Variants in SDHA observed in about 807,000 individuals in gnomAD.
SDHA encodes the protein succinate dehydrogenase complex flavoprotein subunit A, also known as succinate dehydrogenase [ubiquinone] flavoprotein subunit, mitochondrial.
In SDHA, 48 loss-of-function variants were observed where a neutral mutation model predicts 78.4. The observed-to-expected ratio is 0.61, with a 90% CI of 0.49 to 0.78. The LOEUF (loss-of-function observed/expected upper bound fraction) is 0.78. SDHA is among the 30% of genes least tolerant of loss of function. SDHA has a pLI of 0.00. For synonymous variants in SDHA, 326 were observed against 353.9 expected (o/e 0.92, Z 0.88); for missense variants, 680 against 892.7 (o/e 0.76, Z 3.04).
At chr5:258,994 C>A (rs71597618), downstream of SDHA, among the ~76,000 whole-genome samples, 5 of 22,362 alleles carry the variant, frequency 2.2e-4, no homozygotes, top group Non-Finnish European at 3.4e-4. Flanking sequence ...CCTCCCGTCA[C>A]AGCATTACCG....
At chr5:248,095 G>A (rs964811072) in intron 11 of SDHA, among the ~76,000 whole-genome samples, 3 of 152,258 alleles carry the variant, frequency 2.0e-5, no homozygotes, top group Non-Finnish European at 4.4e-5. Flanking sequence ...AACTGGTTTG[G>A]TGGAGAGACC....
intron 13 of SDHA, among the ~76,000 whole-genome samples, chr5:253,473 C>T (rs1234169664): frequency 1.3e-5 from 2 of 152,100 alleles, no homozygotes; most frequent in Non-Finnish European, 2.9e-5. Flanking sequence ...AGGAATCTCA[C>T]TGTCCCCCAG....
In SDHA at chr5:239,894, C is replaced by T. The variant is rs1305851413; in HGVS notation, c.1433-464C>T. ...AAGCAGTTCTCATGCCTCAGCCTCC[C>T]GAGTAGCTGGGATTATAGACGCGTG... On this transcript the variant is annotated intron_variant, in intron 10 of 14. Coordinates refer to ENST00000264932, the MANE Select transcript of SDHA (RefSeq NM_004168.4). Among the ~76,000 whole-genome samples the T allele has an allele frequency of 4.6e-5, 7 of 151,952 alleles. No homozygotes were observed. The South Asian group carries it at 1.0e-3, about 23-fold the overall frequency.
chr5:250,849 T>C, intron 11 of SDHA, 143 bp from the exon 12 acceptor site: 4 of 746,494 alleles, frequency 5.4e-6, no homozygotes, highest in Non-Finnish European at 7.1e-6. Context: ...AGTAATAAAC[T>C]CATAGTCTGA....
rs549095327 is a variant in SDHA at position 237,241 on chromosome 5, T to A, written c.1432+642T>A. Among the ~76,000 whole-genome samples the A allele has an allele frequency of 3.7e-5, 5 of 135,334 alleles. 2 individuals are homozygous for A. The highest frequency in any genetic ancestry group is 1.8e-4 in the African/African-American group (5 of 28,138). The allele number at this position is 135,334 out of a possible 152,430, so 88.8% of individuals were successfully genotyped here. Reference sequence around the variant, plus strand: ...TTACTTGCCTGATAAAAATCACTTATTTGCAATGAAATATTTTAAGTAGTT... The same window carrying A: ...TTACTTGCCTGATAAAAATCACTTAATTGCAATGAAATATTTTAAGTAGTT... On this transcript the variant is annotated intron_variant, in intron 10 of 14. Coordinates refer to ENST00000264932, the MANE Select transcript of SDHA (RefSeq NM_004168.4).
rs768257880 is a variant in SDHA at position 240,456 on chromosome 5, C to T, written c.1531C>T (p.Leu511=). The part of the protein sequence containing the change: ...FADGSIRTSE[L]RLSMQKSMQN... Reference sequence around the variant, plus strand: ...TGATGGAAGCATAAGAACATCGGAACTGCGACTCAGCATGCAGAAGGTAAG... The same window carrying T: ...TGATGGAAGCATAAGAACATCGGAATTGCGACTCAGCATGCAGAAGGTAAG... Residue 511 remains leucine (L), a synonymous_variant, in exon 11 of 15, where the codon CTG becomes TTG. Transcript: ENST00000264932. 9 of 1,608,198 alleles carry T rather than the reference C, an allele frequency of 5.6e-6. No homozygotes were observed. Among genetic ancestry groups the T allele is most frequent in the Non-Finnish European group, 7.7e-6 (9 of 1,176,432 alleles).
chr5:254,402 G>A lies in SDHA; in HGVS notation c.1804G>A (p.Asp602Asn), dbSNP rs1737043619. 1 of 1,603,098 alleles carries A rather than the reference G, an allele frequency of 6.2e-7. No homozygotes were observed. The highest frequency in any genetic ancestry group is 1.1e-5 in the South Asian group (1 of 89,166). ...HAREDYKVRI[D>N]EYDYSKPIQG... Reference sequence around the variant, plus strand: ...GTGTTTCTGGCCTCAGGTGCGGATTGATGAGTACGATTACTCCAAGCCCAT... The same window carrying A: ...GTGTTTCTGGCCTCAGGTGCGGATTAATGAGTACGATTACTCCAAGCCCAT... The change falls in exon 14 of 15, where the codon GAT (aspartate) becomes AAT (asparagine). Residue 602 changes from aspartate (D) to asparagine (N), a missense_variant. Physicochemically the swap from Asp to Asn is conservative, Grantham distance 23 (BLOSUM62 1). Transcript: ENST00000264932.
At chr5:240,742 C>T (rs941528201) in intron 11 of SDHA, among the ~76,000 whole-genome samples, 2 of 152,080 alleles carry the variant, frequency 1.3e-5, no homozygotes, top group Admixed American at 6.5e-5. Flanking sequence ...TGTGTACTCA[C>T]CATTCAGCTT....
rs1553999038 is a variant in SDHA, at chr5:233,587, G to T, written c.1006G>T (p.Asp336Tyr). ...FMERYAPVAKDLASRDVVSRS... is the reference protein window; with the variant it reads ...FMERYAPVAKYLASRDVVSRS... ...GGAGCGATACGCCCCTGTCGCGAAG[G>T]ACCTGGCGTCTAGAGATGTGGTGTC... Residue 336 changes from aspartate (D) to tyrosine (Y), a missense_variant, in exon 8 of 15, where the codon GAC becomes TAC. Coordinates refer to ENST00000264932, the MANE Select transcript of SDHA (RefSeq NM_004168.4). 1 of 1,614,202 alleles carries T rather than the reference G, an allele frequency of 6.2e-7. No individual in the cohort carries two copies. Among genetic ancestry groups the T allele is most frequent in the East Asian group, 2.2e-5 (1 of 44,878 alleles).
At chr5:232,757 A>G (rs1735495623) in intron 7 of SDHA, among the ~76,000 whole-genome samples, 3 of 152,232 alleles carry the variant, frequency 2.0e-5, no homozygotes, top group South Asian at 4.1e-4. Context: ...TTCGAAATAC[A>G]TTTAGTTTAG....
intron 6 of SDHA, among the ~76,000 whole-genome samples, chr5:229,718 A>C (rs1735263811): frequency 6.6e-6 from 1 of 152,162 alleles, no homozygotes; most frequent in Admixed American, 6.5e-5. Flanking sequence ...CAGAGTTAAC[A>C]TTATACAGCA....
chr5:248,186 C>G (rs1736587948), intron 11 of SDHA, among the ~76,000 whole-genome samples: 1 of 152,178 alleles, frequency 6.6e-6, no homozygotes, highest in Non-Finnish European at 1.5e-5. Flanking sequence ...ACGGAACCAT[C>G]AAGACACCTG....
intron 11 of SDHA, chr5:249,055 T>C (rs893920112): frequency 2.0e-4 from 82 of 410,620 alleles, no homozygotes; most frequent in Non-Finnish European, 2.1e-4. Context: ...TATTGCAAAA[T>C]TGAAAGAACA....
In SDHA at chr5:233,488, G is replaced by GCA. The variant is rs1484904888; in HGVS notation, c.908_909insAC (p.Gly304LeufsTer45). ...GTGGTTTTTTGCAGGCATATATGGT[G>GCA]CTGGTTGTCTCATTACGGAAGGATG... is the stretch of plus-strand genomic sequence containing the variant. On this transcript the variant is annotated frameshift_variant, in exon 8 of 15. Transcript: ENST00000264932. LOFTEE classifies it high-confidence loss of function. 1 of 1,614,066 alleles carries GCA rather than the reference G, an allele frequency of 6.2e-7. No individual in the cohort carries two copies. Among genetic ancestry groups the GCA allele is most frequent in the Non-Finnish European group, 8.5e-7 (1 of 1,179,998 alleles).
chr5:230,727 A>G (rs1443539874), intron 6 of SDHA, 149 bp from the exon 7 acceptor site: 63 of 984,252 alleles, frequency 6.4e-5, no homozygotes, highest in Non-Finnish European at 8.7e-5. Flanking sequence ...CCCTAGTGAT[A>G]TGTGTGGGGT....
Position 256,669 on chromosome 5 carries a change from T to C in SDHA, c.*249T>C, listed in dbSNP as rs189989110. 5.1e-3 allele frequency: 2,497 copies of C among 490,508 alleles called. 21 individuals carry two copies. The highest frequency in any genetic ancestry group is 7.7e-3 in the Non-Finnish European group (2,126 of 275,950). The allele number at this position is 490,508 out of a possible 1,614,324, so 30.4% of individuals were successfully genotyped here. ...AACTGGGCACAGCTCTTAAATAAAA[T>C]ATAAATGAACAAACTTTCTTTTATT... On this transcript the variant is annotated 3_prime_UTR_variant, in exon 15 of 15. Transcript: ENST00000264932.
Position 226,199 on chromosome 5 carries a change from A to G in SDHA, c.621+152A>G, listed in dbSNP as rs188139287. The G allele has an allele frequency of 1.0e-4, 88 of 855,330 alleles. No individual in the cohort carries two copies. In the African/African-American group the frequency reaches 1.4e-3, roughly 13 times the overall value. 53.0% of individuals were successfully genotyped at this position (855,330 alleles called of 1,614,324 possible). A position where few individuals can be genotyped will look rare whatever the true frequency, so the allele number is the denominator to read the frequency against. The stretch of plus-strand genomic sequence containing the variant: ...CGTGGGGCGCATGCAGCGACTGTGG[A>G]TGTGACAGGACCAGACGTGTGCCTT... On this transcript the variant is annotated intron_variant, in intron 5 of 14. Transcript: ENST00000264932.
intron 1 of SDHA, 116 bp downstream of exon 1, chr5:218,534 C>G: frequency 1.2e-6 from 1 of 817,798 alleles, no homozygotes; most frequent in Non-Finnish European, 1.7e-6. Flanking sequence ...GCCCTCTGTC[C>G]CGGGATCGGG....
At position 228,369 on chromosome 5, in the gene SDHA, AAATG is replaced by A. The variant is rs780311750; in HGVS notation, c.770+40_770+43del. On this transcript the variant is annotated intron_variant, in intron 6 of 14. Transcript: ENST00000264932. ...CATTTCTACTTTATTTTGTTTATAA[AAATG>A]AATAAATTTCATTTAGAGTTTCTTT... The A allele has an allele frequency of 5.7e-6, 9 of 1,586,034 alleles. 1 individual carries two copies. The highest frequency in any genetic ancestry group is 7.8e-6 in the Non-Finnish European group (9 of 1,157,394).
Sources: allele counts gnomAD v4.1 joint callset (sites outside exome capture counted in the v4.1 genomes callset), GRCh38; gene constraint gnomAD v4.1.1; transcripts MANE v1.5; gene names NCBI Gene and HGNC (gene_info 2026-07-23, HGNC 2026-07-21).